The following BMPR2 variants were observed in gnomAD, a reference collection of about 807,000 sequenced individuals.
BMPR2 encodes the protein bone morphogenetic protein receptor type-2.
In BMPR2, 29 loss-of-function variants were observed where a neutral mutation model predicts 100.8. The ratio of observed to expected loss-of-function variants is 0.29; its 90% CI spans 0.21 to 0.39. The LOEUF is 0.39. Among genes scored for constraint, BMPR2 ranks in the 10% least tolerant of loss-of-function variants. The pLI is 1.00. For synonymous variants in BMPR2, 382 were observed against 442.3 expected (o/e 0.86, Z 1.71); for missense variants, 1,011 against 1,274.5 (o/e 0.79, Z 3.15).
At position 202,377,427 on chromosome 2, in the gene BMPR2, T is replaced by G; in HGVS notation, c.-48T>G. 6.3e-7 allele frequency: 1 copy of G among 1,585,080 alleles called. No individual in the cohort carries two copies. Among genetic ancestry groups the G allele is most frequent in the Middle Eastern group, 1.7e-4 (1 of 6,014 alleles). On this transcript the variant is annotated 5_prime_UTR_variant, in exon 1 of 13. Transcript: ENST00000374580. ...CCCGGCTGTTTCTCCGCCGGTCTAC[T>G]TCCCATATTTCTTTTCTTTGCCCTC... is the stretch of plus-strand genomic sequence containing the variant.
Position 202,519,070 on chromosome 2 carries a change from A to G in BMPR2, c.852+18A>G, listed in dbSNP as rs771943313. 5.0e-6 allele frequency: 8 copies of G among 1,611,238 alleles called. No individual in the cohort carries two copies. The South Asian group carries it at 6.6e-5, about 13-fold the overall frequency. On this transcript the variant is annotated intron_variant, in intron 6 of 12. Transcript: ENST00000374580. ...ATCCCAATGTAAGTTCTTCATAGAA[A>G]ATAAACTGAGGCCAGGTGTGGTGGC...
At chr2:202,429,798 T>TTTTTCCCC (rs1388633596) in intron 1 of BMPR2, among the ~76,000 whole-genome samples, 1 of 152,120 alleles carries the variant, frequency 6.6e-6, no homozygotes, top group Non-Finnish European at 1.5e-5. Context: ...AAGTGGGAAC[T>TTTTTCCCC]TCCAAACACT....
intron 3 of BMPR2, among the ~76,000 whole-genome samples, chr2:202,477,632 C>G (rs977121660): frequency 2.0e-5 from 3 of 151,954 alleles, no homozygotes; most frequent in Non-Finnish European, 2.9e-5. Context: ...ACTGAAAATA[C>G]AAAAATTAGC....
intron 1 of BMPR2, among the ~76,000 whole-genome samples, chr2:202,395,834 G>A (rs1022226681): frequency 1.3e-5 from 2 of 152,212 alleles, no homozygotes. Context: ...CACTCGGGAG[G>A]CTGAGGCAGG....
At chr2:202,396,983 G>A (rs1690669220) in intron 1 of BMPR2, among the ~76,000 whole-genome samples, 1 of 152,016 alleles carries the variant, frequency 6.6e-6, no homozygotes, top group Non-Finnish European at 1.5e-5. Context: ...TTTTAGTAGA[G>A]TCGGGGTTTC....
At chr2:202,398,122 A>T (rs551221412) in intron 1 of BMPR2, among the ~76,000 whole-genome samples, 106 of 152,160 alleles carry the variant, frequency 7.0e-4, no homozygotes, top group Non-Finnish European at 1.4e-3. Context: ...AAAAAAAAAA[A>T]AAATCTATAC....
intron 3 of BMPR2, among the ~76,000 whole-genome samples, chr2:202,483,451 A>G (rs904578667): frequency 1.1e-4 from 16 of 150,794 alleles, no homozygotes; most frequent in Admixed American, 8.0e-4. Flanking sequence ...GTGTCATCTC[A>G]GCTCACTGCA....
chr2:202,405,178 A>G (rs1322459301), intron 1 of BMPR2, among the ~76,000 whole-genome samples: 4 of 152,120 alleles, frequency 2.6e-5, no homozygotes, highest in Admixed American at 6.6e-5. Context: ...TTATTGTACT[A>G]TAAATTGGAC....
chr2:202,442,002 C>T (rs1248438101), intron 1 of BMPR2, among the ~76,000 whole-genome samples: 1 of 149,782 alleles, frequency 6.7e-6, no homozygotes, highest in Non-Finnish European at 1.5e-5. Context: ...CATTGCACTC[C>T]AGCCTGGGGG....
intron 1 of BMPR2, among the ~76,000 whole-genome samples, chr2:202,417,805 G>T (rs1459367017): frequency 6.6e-6 from 1 of 150,828 alleles, no homozygotes; most frequent in Non-Finnish European, 1.5e-5. Context: ...TGCAACCTCT[G>T]CCTTCTGGGT....
chr2:202,516,319 A>G (rs1045895889), intron 5 of BMPR2, among the ~76,000 whole-genome samples: 6 of 152,214 alleles, frequency 3.9e-5, no homozygotes, highest in Non-Finnish European at 8.8e-5. Context: ...ATTTCAACAT[A>G]TAAGGGAAAA....
At chr2:202,460,175 T>C (rs1296903604) in intron 1 of BMPR2, among the ~76,000 whole-genome samples, 1 of 152,314 alleles carries the variant, frequency 6.6e-6, no homozygotes, top group Admixed American at 6.5e-5. Flanking sequence ...TCTAAATTAA[T>C]TCAGCCATTT....
At chr2:202,519,200 TAA>T in intron 6 of BMPR2, 148 bp downstream of exon 6, 1 of 796,578 alleles carries the variant, frequency 1.3e-6, no homozygotes, top group Non-Finnish European at 2.1e-6. Context: ...CCGTCTCTAC[TAA>T]AAATACAAAA....
intron 3 of BMPR2, among the ~76,000 whole-genome samples, chr2:202,501,511 C>T (rs949315262): frequency 2.6e-5 from 4 of 152,212 alleles, no homozygotes; most frequent in African/African-American, 7.2e-5. Context: ...GGATAACTCT[C>T]GGAGTCCTTA....
rs559126763 is a variant in BMPR2 at position 202,558,889 on chromosome 2, T to C, written c.2867-807T>C. 1.5e-4 allele frequency among the ~76,000 whole-genome samples: 17 copies of C among 113,518 alleles called. No individual in the cohort carries two copies. The South Asian group carries it at 4.6e-3, about 31-fold the overall frequency. The allele number at this position is 113,518 out of a possible 152,430, so 74.5% of individuals were successfully genotyped here. On this transcript the variant is annotated intron_variant, in intron 12 of 12. Coordinates refer to ENST00000374580, the MANE Select transcript of BMPR2 (RefSeq NM_001204.7). Reference sequence around the variant, plus strand: ...GCCTGGCAACAAGAATGAAACTCCATCTCAAAAAAAAAAAAAAAAAAATCT... The same window carrying C: ...GCCTGGCAACAAGAATGAAACTCCACCTCAAAAAAAAAAAAAAAAAAATCT...
chr2:202,488,467 C>CA (rs979643332), intron 3 of BMPR2, among the ~76,000 whole-genome samples: 4 of 151,972 alleles, frequency 2.6e-5, no homozygotes, highest in African/African-American at 9.7e-5. Context: ...AACAAAAAAA[C>CA]AAAAAAACAG....
intron 1 of BMPR2, among the ~76,000 whole-genome samples, chr2:202,398,763 A>T (rs1439329466): frequency 6.6e-6 from 1 of 152,176 alleles, no homozygotes; most frequent in Non-Finnish European, 1.5e-5. Flanking sequence ...TTAAGAGAAA[A>T]TACCGTAGTA....
In BMPR2 at chr2:202,552,900, AG is replaced by A; in HGVS notation, c.1586+16del. The stretch of plus-strand genomic sequence containing the variant: ...ATGCAGAATGAACGGTAAGACCCTA[AG>A]GGGTGTGGCATCTATCAATCAGTAT... On this transcript the variant is annotated intron_variant, in intron 11 of 12. Transcript: ENST00000374580. 6.2e-7 allele frequency: 1 copy of A among 1,614,146 alleles called. No homozygotes were observed. Among genetic ancestry groups the A allele is most frequent in the Non-Finnish European group, 8.5e-7 (1 of 1,179,974 alleles).
chr2:202,416,776 C>A (rs1479589267), intron 1 of BMPR2, among the ~76,000 whole-genome samples: 2 of 151,848 alleles, frequency 1.3e-5, no homozygotes, highest in Non-Finnish European at 2.9e-5. Flanking sequence ...GAGGTGGAAT[C>A]TACTTGTGCA....
Sources: gnomAD v4.1 joint callset for allele counts (sites outside exome capture counted in the v4.1 genomes callset) on GRCh38, gnomAD v4.1.1 for gene constraint, MANE v1.5 for transcripts, NCBI Gene and HGNC (gene_info 2026-07-23, HGNC 2026-07-21) for gene names.